UBN2: variants seen among roughly 807,000 people sequenced by gnomAD.
The protein encoded by UBN2 is ubinuclein-2.
In UBN2, 35 loss-of-function variants were observed where a neutral mutation model predicts 120.2. The ratio of observed to expected loss-of-function variants is 0.29; its 90% confidence interval spans 0.22 to 0.39. The LOEUF (loss-of-function observed/expected upper bound fraction) is 0.39. Among genes scored for constraint, UBN2 ranks in the 10% least tolerant of loss-of-function variants. The pLI is 1.00. For missense variants in UBN2, 1,693 were observed against 1,663.2 expected (o/e 1.02, Z -0.31); for synonymous variants, 661 against 648.7 (o/e 1.02, Z -0.29).
intron 5 of UBN2, 53 bp from the exon 6 acceptor site, chr7:139,261,199 A>G: frequency 6.6e-7 from 1 of 1,524,804 alleles, no homozygotes; most frequent in Non-Finnish European, 8.8e-7. Context: ...TTTATGTGAC[A>G]CTTTAACGTT....
At chr7:139,296,334 A>G (rs1798109163) in intron 17 of UBN2, among the ~76,000 whole-genome samples, 1 of 152,252 alleles carries the variant, frequency 6.6e-6, no homozygotes, top group South Asian at 2.1e-4. Context: ...ATTTAAACAC[A>G]TGAGTATGAC....
chr7:139,261,557 A>T lies in UBN2; in HGVS notation c.1211A>T (p.Asp404Val), dbSNP rs755391095. ...GCTGAAAATGCCCTAGAGATGCTAG[A>T]TGATTTTGACTTCGACAGATTACTG... Reference protein sequence around the residue: ...QEAENALEMLDDFDFDRLLDA... With the variant: ...QEAENALEMLVDFDFDRLLDA... The change falls in exon 6 of 18, where the codon GAT becomes GTT. Residue 404 changes from aspartate to valine, a missense_variant. Around this residue, in one of 5 missense-constraint regions of UBN2, gnomAD observed 663 missense variants for 591.2 expected, o/e 1.12. Transcript: ENST00000473989. 4 of 1,614,072 alleles carry T rather than the reference A, an allele frequency of 2.5e-6. No homozygotes were observed. The African/African-American group carries it at 5.3e-5, about 22-fold the overall frequency.
the UBN2 span, among the ~76,000 whole-genome samples, chr7:139,317,665 T>G: frequency 7.3e-5 from 11 of 151,214 alleles, no homozygotes; most frequent in East Asian, 5.8e-4. Flanking sequence ...GTTGTTTTGG[T>G]TTTTTTTTCT....
chr7:139,304,499 G>A lies in UBN2; in HGVS notation c.*6663G>A, dbSNP rs1332478581. On this transcript the variant is annotated 3_prime_UTR_variant, in exon 18 of 18. Coordinates refer to ENST00000473989, the MANE Select transcript of UBN2 (RefSeq NM_173569.4). ...AAAAATGGATGCTGCAGTTTTAGTTGGGGCTAAATGCTGAGCAACGATTGT... is the reference window on the plus strand; with the variant it reads ...AAAAATGGATGCTGCAGTTTTAGTTAGGGCTAAATGCTGAGCAACGATTGT... The A allele has an allele frequency of 6.6e-6, 1 of 152,122 alleles. No individual in the cohort carries two copies. The highest frequency in any genetic ancestry group is 2.4e-5 in the African/African-American group (1 of 41,426). 9.4% of individuals were successfully genotyped at this position (152,122 alleles called of 1,614,324 possible). A position where few individuals can be genotyped will look rare whatever the true frequency, so the allele number is the denominator to read the frequency against.
At chr7:139,280,266 AG>A in intron 13 of UBN2, among the ~76,000 whole-genome samples, 1 of 152,356 alleles carries the variant, frequency 6.6e-6, no homozygotes, top group South Asian at 2.1e-4. Context: ...ACGGACAAGT[AG>A]TGCACTTATG....
chr7:139,259,627 A>G (rs1243027821), intron 5 of UBN2, among the ~76,000 whole-genome samples: 11 of 152,236 alleles, frequency 7.2e-5, no homozygotes, highest in Admixed American at 7.2e-4. Context: ...TTGAAAAGAT[A>G]TTATAAACAT....
chr7:139,235,476 G>A (rs1796140109), intron 1 of UBN2, among the ~76,000 whole-genome samples: 1 of 152,108 alleles, frequency 6.6e-6, no homozygotes, highest in South Asian at 2.1e-4. Context: ...CAGCATCTCA[G>A]CTCACTTGCA....
rs1289872907 is a variant in UBN2, at chr7:139,258,456, T to C, written c.664-32T>C. 4 of 1,523,854 alleles carry C rather than the reference T, an allele frequency of 2.6e-6. No homozygotes were observed. The South Asian group carries it at 3.9e-5, about 15-fold the overall frequency. 94.4% of individuals were successfully genotyped at this position (1,523,854 alleles called of 1,614,324 possible). The stretch of plus-strand genomic sequence containing the variant: ...ATTTATAGAGTTAAAGACAACAGGA[T>C]ATAGCGGAAACTTTTTTGTTTTTTA... On this transcript the variant is annotated intron_variant, in intron 3 of 17. Transcript: ENST00000473989.
At chr7:139,314,910 C>T in the UBN2 span, among the ~76,000 whole-genome samples, 1 of 151,640 alleles carries the variant, frequency 6.6e-6, no homozygotes, top group Admixed American at 6.6e-5. Flanking sequence ...TTCAAAGAAC[C>T]GTGAATGTTT....
downstream of UBN2, among the ~76,000 whole-genome samples, chr7:139,312,197 C>T (rs1278217295): frequency 6.6e-6 from 1 of 152,198 alleles, no homozygotes; most frequent in Non-Finnish European, 1.5e-5. Flanking sequence ...CCCACAGGCA[C>T]CACTCTAACT....
Position 139,282,114 on chromosome 7 carries a change from T to G in UBN2, c.2118+59T>G, listed in dbSNP as rs998776113. On this transcript the variant is annotated intron_variant, in intron 14 of 17. Coordinates refer to ENST00000473989, the MANE Select transcript of UBN2 (RefSeq NM_173569.4). ...TATAACACTCTAGGTTTGTTTGGGT[T>G]TGTTTAAGAAACTAATTGAAGAGAC... 2.6e-6 allele frequency: 4 copies of G among 1,535,128 alleles called. No homozygotes were observed. In the East Asian group the frequency reaches 9.0e-5, roughly 35 times the overall value.
At chr7:139,316,184 A>C in the UBN2 span, among the ~76,000 whole-genome samples, 1 of 146,284 alleles carries the variant, frequency 6.8e-6, no homozygotes, top group Admixed American at 6.9e-5. Context: ...ATCTCCTAGT[A>C]GGTATAAGTG....
intron 13 of UBN2, among the ~76,000 whole-genome samples, chr7:139,281,151 G>A (rs1431816317): frequency 1.3e-5 from 2 of 152,150 alleles, no homozygotes; most frequent in Admixed American, 6.5e-5. Context: ...TAATAGGATA[G>A]GAAATTTATT....
chr7:139,246,956 C>A (rs1470078113), intron 2 of UBN2, among the ~76,000 whole-genome samples: 1 of 152,118 alleles, frequency 6.6e-6, no homozygotes, highest in Non-Finnish European at 1.5e-5. Context: ...GTTTATCCGT[C>A]CACCAGATGA....
intron 6 of UBN2, among the ~76,000 whole-genome samples, chr7:139,263,645 G>T (rs1797005190): frequency 6.6e-6 from 1 of 151,624 alleles, no homozygotes; most frequent in South Asian, 2.1e-4. Flanking sequence ...GTGGTGGCAG[G>T]CGCCTGTAAT....
intron 11 of UBN2, 54 bp downstream of exon 11, chr7:139,274,128 TA>T (rs754664169): frequency 5.3e-6 from 8 of 1,504,252 alleles, no homozygotes; most frequent in Non-Finnish European, 7.1e-6. Flanking sequence ...TTGCTGTTAT[TA>T]AAGATATACA....
At chr7:139,311,251 C>T (rs778499981), downstream of UBN2, among the ~76,000 whole-genome samples, 5 of 152,190 alleles carry the variant, frequency 3.3e-5, no homozygotes, top group South Asian at 2.1e-4. Flanking sequence ...CATACTCTGA[C>T]GTGTCATGGG....
At chr7:139,263,003 A>C (rs1335113048) in intron 6 of UBN2, among the ~76,000 whole-genome samples, 2 of 152,230 alleles carry the variant, frequency 1.3e-5, no homozygotes, top group Non-Finnish European at 2.9e-5. Context: ...TAAGATAGGG[A>C]CTGTAACACC....
In UBN2 at chr7:139,301,487, A is replaced by G. The variant is rs567630283; in HGVS notation, c.*3651A>G. The G allele has an allele frequency of 2.0e-5, 3 of 152,286 alleles. No homozygotes were observed. The highest frequency in any genetic ancestry group is 2.1e-4 in the South Asian group (1 of 4,820). The allele number at this position is 152,286 out of a possible 1,614,324, so 9.4% of individuals were successfully genotyped here. A position where few individuals can be genotyped will look rare whatever the true frequency, so the allele number is the denominator to read the frequency against. On this transcript the variant is annotated 3_prime_UTR_variant, in exon 18 of 18. Coordinates refer to ENST00000473989, the MANE Select transcript of UBN2 (RefSeq NM_173569.4). The stretch of plus-strand genomic sequence containing the variant: ...TCATCTCTTAGAACTCCAGTGATCT[A>G]TCATATTTGCTGCTACATTTGTAAA...
Sources: gnomAD v4.1 joint callset for allele counts (sites outside exome capture counted in the v4.1 genomes callset) on GRCh38, gnomAD v4.1.1 for gene constraint, gnomAD v4.1.1 regional missense constraint, MANE v1.5 for transcripts, NCBI Gene and HGNC (gene_info 2026-07-23, HGNC 2026-07-21) for gene names.